Variants in SPAG17 observed in about 807,000 individuals in gnomAD.
SPAG17 encodes sperm associated antigen 17.
SPAG17 carries 169 observed loss-of-function variants against 273.6 expected under a neutral mutation model. The ratio of observed to expected loss-of-function variants is 0.62; its 90% confidence interval spans 0.55 to 0.70. The LOEUF (loss-of-function observed/expected upper bound fraction) is 0.70, where lower values mean the gene tolerates loss of function less well. Among genes scored for constraint, SPAG17 ranks in the 30% least tolerant of loss-of-function variants. The probability of loss-of-function intolerance (pLI) is 0.00; values close to 1 mark genes in which losing one functional copy is unlikely to be tolerated. For missense variants in SPAG17, 2,557 were observed against 2,627.8 expected (o/e 0.97, Z 0.59); for synonymous variants, 825 against 873.2 (o/e 0.94, Z 0.97).
chr1:118,115,675 A>T (rs1657036130), intron 3 of SPAG17, among the ~76,000 whole-genome samples: 1 of 152,174 alleles, frequency 6.6e-6, no homozygotes, highest in African/African-American at 2.4e-5. Context: ...TTTTTCCAAT[A>T]AGGCAGAGTG....
chr1:118,180,908 T>C (rs1436848867), intron 1 of SPAG17, among the ~76,000 whole-genome samples: 1 of 152,016 alleles, frequency 6.6e-6, no homozygotes, highest in Non-Finnish European at 1.5e-5. Context: ...CTTTATTTTC[T>C]ACAGGAGTTA....
At chr1:118,076,733 AT>A (rs34352768) in intron 15 of SPAG17, among the ~76,000 whole-genome samples, 15,062 of 150,916 alleles carry the variant, frequency 0.1, 2,040 homozygotes, top group African/African-American at 0.31. Flanking sequence ...AGTAAAAATC[AT>A]TTTTTTTTCT....
chr1:118,173,867 A>G, intron 1 of SPAG17, among the ~76,000 whole-genome samples: 1 of 151,546 alleles, frequency 6.6e-6, no homozygotes, highest in African/African-American at 2.4e-5. Context: ...CTAAAAAAAA[A>G]AAAAAAAAAA....
At chr1:117,989,488 T>C (rs1165179132) in intron 38 of SPAG17, among the ~76,000 whole-genome samples, 1 of 151,324 alleles carries the variant, frequency 6.6e-6, no homozygotes, top group Non-Finnish European at 1.5e-5. Context: ...GGACAGAAGG[T>C]ACCAAGCCAT....
chr1:118,031,573 T>C, intron 25 of SPAG17, 119 bp downstream of exon 25: 1 of 1,085,226 alleles, frequency 9.2e-7, no homozygotes, highest in Non-Finnish European at 1.3e-6. Context: ...GGGACGTTAA[T>C]GTATCTGCAC....
At chr1:118,025,456 C>G (rs1419034295) in intron 26 of SPAG17, 40 bp from the exon 27 acceptor site, 2 of 1,330,158 alleles carry the variant, frequency 1.5e-6, no homozygotes, top group South Asian at 3.4e-5. Context: ...CTGGACAATG[C>G]TGCAGGGCTG....
chr1:118,176,021 C>A (rs1466839404), intron 1 of SPAG17, among the ~76,000 whole-genome samples: 1 of 152,016 alleles, frequency 6.6e-6, no homozygotes, highest in African/African-American at 2.4e-5. Context: ...TTGTTTGTTT[C>A]TATACTTTTC....
At chr1:118,051,619 T>C (rs1253435290) in intron 20 of SPAG17, among the ~76,000 whole-genome samples, 3 of 149,946 alleles carry the variant, frequency 2.0e-5, no homozygotes, top group African/African-American at 7.3e-5. Context: ...TATTACATTA[T>C]GTACATACTG....
intron 25 of SPAG17, among the ~76,000 whole-genome samples, chr1:118,028,693 G>T (rs533561331): frequency 6.6e-6 from 1 of 152,316 alleles, no homozygotes; most frequent in South Asian, 2.1e-4. Flanking sequence ...GGGGCTTGAA[G>T]TGGGCCTTGA....
At chr1:118,105,856 GA>G (rs397844630) in intron 4 of SPAG17, among the ~76,000 whole-genome samples, 2 of 150,558 alleles carry the variant, frequency 1.3e-5, no homozygotes, top group Non-Finnish European at 3.0e-5. Flanking sequence ...CATCAAAAAA[GA>G]AAAAAAAAGA....
Position 118,041,291 on chromosome 1 carries a change from T to G in SPAG17, c.3055-450A>C, listed in dbSNP as rs76829123. 4.2e-3 allele frequency among the ~76,000 whole-genome samples: 645 copies of G among 152,092 alleles called. 4 individuals carry two copies. Among genetic ancestry groups the G allele is most frequent in the African/African-American group, 0.015 (613 of 41,520 alleles). On this transcript the variant is annotated intron_variant, in intron 21 of 48. Transcript: ENST00000336338. ...CATGCTAAAACTTGAGAACAACTGT[T>G]TTAGAGGAGTAGCTACAAAGCACAG...
At chr1:118,116,537 C>T (rs1311074144) in intron 3 of SPAG17, among the ~76,000 whole-genome samples, 2 of 152,172 alleles carry the variant, frequency 1.3e-5, no homozygotes, top group African/African-American at 2.4e-5. Flanking sequence ...TGTGTCTTGT[C>T]TGAGCTCTTG....
intron 2 of SPAG17, 110 bp downstream of exon 2, chr1:118,151,119 T>C (rs1659353043): frequency 1.1e-6 from 1 of 945,334 alleles, no homozygotes; most frequent in African/African-American, 1.7e-5. Context: ...AAATAATCCA[T>C]CAAAATTTAC....
chr1:118,125,498 T>C (rs1657667725), intron 3 of SPAG17, among the ~76,000 whole-genome samples: 1 of 152,182 alleles, frequency 6.6e-6, no homozygotes, highest in African/African-American at 2.4e-5. Flanking sequence ...GGTAATTTTG[T>C]ATCCATGAAC....
At chr1:118,175,517 A>G (rs527845122) in intron 1 of SPAG17, among the ~76,000 whole-genome samples, 3 of 152,072 alleles carry the variant, frequency 2.0e-5, no homozygotes, top group South Asian at 4.2e-4. Context: ...TCTGGTAACA[A>G]ACTTCTCAAT....
chr1:118,056,972 T>A (rs1161520699), intron 18 of SPAG17, among the ~76,000 whole-genome samples: 2 of 151,726 alleles, frequency 1.3e-5, no homozygotes, highest in Non-Finnish European at 2.9e-5. Flanking sequence ...TTATTTTCTA[T>A]TTTCTTTCTT....
intron 3 of SPAG17, among the ~76,000 whole-genome samples, chr1:118,136,305 T>G (rs1658350720): frequency 6.6e-6 from 1 of 152,200 alleles, no homozygotes; most frequent in Admixed American, 6.5e-5. Context: ...ACTCGTGGTA[T>G]GCAGAAATTG....
At chr1:117,991,695 T>C (rs1033698965) in intron 36 of SPAG17, among the ~76,000 whole-genome samples, 167 bp from the exon 37 acceptor site, 1 of 152,154 alleles carries the variant, frequency 6.6e-6, no homozygotes, top group African/African-American at 2.4e-5. Context: ...TTTCTTAATA[T>C]GTTAATAGGA....
chr1:118,067,950 C>T (rs749386115), intron 17 of SPAG17, among the ~76,000 whole-genome samples: 35 of 152,172 alleles, frequency 2.3e-4, no homozygotes, highest in Non-Finnish European at 3.8e-4. Context: ...GCATGCACTG[C>T]GGTGGTAGCT....
Sources: gnomAD v4.1 joint callset for allele counts (sites outside exome capture counted in the v4.1 genomes callset) on GRCh38, gnomAD v4.1.1 for gene constraint, MANE v1.5 for transcripts, NCBI Gene and HGNC (gene_info 2026-07-23, HGNC 2026-07-21) for gene names.